GPC5: variants seen among roughly 807,000 people sequenced by gnomAD.
GPC5 encodes glypican-5.
GPC5 carries 47 observed loss-of-function variants against 53.9 expected under a neutral mutation model. The observed-to-expected ratio is 0.87, with a 90% CI of 0.69 to 1.11. The LOEUF is 1.11. Ranked by LOEUF, GPC5 falls within the 50% of genes most tolerant of loss-of-function variation. The pLI, the probability that GPC5 is intolerant of heterozygous loss-of-function variation, is 0.00. For missense variants in GPC5, 748 were observed against 713.1 expected (o/e 1.05, Z -0.56); for synonymous variants, 286 against 263.3 (o/e 1.09, Z -0.84).
intron 5 of GPC5, among the ~76,000 whole-genome samples, chr13:91,840,476 A>G (rs543019131): frequency 1.3e-4 from 20 of 152,248 alleles, no homozygotes; most frequent in African/African-American, 4.8e-4. Context: ...GTTTGAGGAT[A>G]TAATGAAGCT....
At chr13:92,053,429 G>A (rs569398045) in intron 6 of GPC5, among the ~76,000 whole-genome samples, 2 of 152,248 alleles carry the variant, frequency 1.3e-5, no homozygotes, top group South Asian at 2.1e-4. Flanking sequence ...GTACTGAGCC[G>A]AGGCAAGAAC....
chr13:92,753,375 G>A (rs1874681399), intron 7 of GPC5, among the ~76,000 whole-genome samples: 1 of 152,082 alleles, frequency 6.6e-6, no homozygotes, highest in Non-Finnish European at 1.5e-5. Flanking sequence ...CCACAAAGAT[G>A]GGGAAAAAAC....
At chr13:92,136,493 A>G (rs1380278162) in intron 6 of GPC5, among the ~76,000 whole-genome samples, 5 of 152,166 alleles carry the variant, frequency 3.3e-5, no homozygotes, top group Non-Finnish European at 2.9e-5. Flanking sequence ...TCACCTACCT[A>G]TACTCATTAT....
At chr13:92,048,456 G>A (rs2041001195) in intron 6 of GPC5, among the ~76,000 whole-genome samples, 1 of 152,144 alleles carries the variant, frequency 6.6e-6, no homozygotes, top group Admixed American at 6.5e-5. Flanking sequence ...AGAGTTTTAT[G>A]GTGAGAACAC....
intron 7 of GPC5, among the ~76,000 whole-genome samples, chr13:92,251,026 A>G (rs1407877782): frequency 6.6e-6 from 1 of 152,152 alleles, no homozygotes; most frequent in Non-Finnish European, 1.5e-5. Context: ...AGGATTCTAC[A>G]TAGTCCCTGA....
chr13:92,527,108 A>AGAAAGAAAGAGAAAGAAAGAAAG, intron 7 of GPC5, among the ~76,000 whole-genome samples: 1 of 39,060 alleles, frequency 2.6e-5, no homozygotes, highest in Admixed American at 3.5e-4. Context: ...AAAGAAAGAA[A>AGAAAGAAAGAGAAAGAAAGAAAG]AAAGAAAGAA....
At chr13:92,442,273 T>C (rs1439991425) in intron 7 of GPC5, among the ~76,000 whole-genome samples, 1 of 152,132 alleles carries the variant, frequency 6.6e-6, no homozygotes, top group East Asian at 1.9e-4. Context: ...CTCTCCTCAT[T>C]AGGTTATCTC....
intron 5 of GPC5, among the ~76,000 whole-genome samples, chr13:91,763,967 T>C (rs942647115): frequency 3.9e-5 from 6 of 152,254 alleles, no homozygotes; most frequent in Admixed American, 6.5e-5. Flanking sequence ...TAGTACCTAA[T>C]ACAATGTAAA....
chr13:92,651,711 A>G (rs886829958), intron 7 of GPC5, among the ~76,000 whole-genome samples: 4 of 152,206 alleles, frequency 2.6e-5, no homozygotes, highest in Admixed American at 2.0e-4. Context: ...CATACTAATG[A>G]AAAATGTTAA....
At chr13:91,459,717 A>G (rs1345686953) in intron 2 of GPC5, among the ~76,000 whole-genome samples, 3 of 152,252 alleles carry the variant, frequency 2.0e-5, no homozygotes, top group South Asian at 4.1e-4. Context: ...CTAAGCTTAT[A>G]CAGGGTAGAA....
intron 5 of GPC5, among the ~76,000 whole-genome samples, chr13:91,814,627 A>G (rs961720946): frequency 2.6e-5 from 4 of 151,636 alleles, no homozygotes; most frequent in Non-Finnish European, 5.9e-5. Context: ...TGCAACCTCC[A>G]CCTCCTGGGT....
chr13:92,699,060 T>A (rs1453652055), intron 7 of GPC5, among the ~76,000 whole-genome samples: 3 of 150,414 alleles, frequency 2.0e-5, no homozygotes, highest in Non-Finnish European at 4.4e-5. Context: ...GGTCCTAGAC[T>A]TTTTTTTTGG....
chr13:91,990,708 T>C (rs2040449004), intron 6 of GPC5, among the ~76,000 whole-genome samples: 1 of 152,240 alleles, frequency 6.6e-6, no homozygotes, highest in East Asian at 1.9e-4. Context: ...TGTGCAGAGA[T>C]GAAGGGGCTT....
At chr13:92,178,827 T>A (rs887665708) in intron 7 of GPC5, among the ~76,000 whole-genome samples, 4 of 151,902 alleles carry the variant, frequency 2.6e-5, no homozygotes, top group Non-Finnish European at 5.9e-5. Flanking sequence ...ATACAAAAAA[T>A]TAGCCAGGTG....
intron 6 of GPC5, among the ~76,000 whole-genome samples, chr13:92,077,981 A>T (rs539821055): frequency 2.8e-4 from 33 of 117,972 alleles, no homozygotes; most frequent in African/African-American, 7.8e-4. Context: ...AGATAGATAG[A>T]TATACATACA....
At chr13:92,054,032 C>CAAATAAAT (rs56703718) in intron 6 of GPC5, among the ~76,000 whole-genome samples, 26,631 of 142,342 alleles carry the variant, frequency 0.19, 2,683 homozygotes, top group Admixed American at 0.27. Flanking sequence ...AATTCCATTT[C>CAAATAAAT]AAATAAATAA....
intron 2 of GPC5, among the ~76,000 whole-genome samples, chr13:91,453,230 A>G (rs1391359165): frequency 6.6e-6 from 1 of 151,976 alleles, no homozygotes; most frequent in Non-Finnish European, 1.5e-5. Context: ...ATGTAGGAAT[A>G]TGCTTGAAAT....
At chr13:91,844,625 A>G (rs1293871288) in intron 5 of GPC5, among the ~76,000 whole-genome samples, 1 of 152,208 alleles carries the variant, frequency 6.6e-6, no homozygotes, top group African/African-American at 2.4e-5. Flanking sequence ...CATCCACTGA[A>G]GGGTGCACAT....
intron 1 of GPC5, among the ~76,000 whole-genome samples, chr13:91,441,032 T>C (rs570631402): frequency 6.6e-6 from 1 of 152,340 alleles, no homozygotes; most frequent in Non-Finnish European, 1.5e-5. Context: ...CTGAGTTTTC[T>C]ATTTGAGTCA....
Sources: gnomAD v4.1 joint callset for allele counts (sites outside exome capture counted in the v4.1 genomes callset) on GRCh38, gnomAD v4.1.1 for gene constraint, MANE v1.5 for transcripts, NCBI Gene and HGNC (gene_info 2026-07-23, HGNC 2026-07-21) for gene names.